The following STX3 variants were observed in gnomAD, a reference collection of about 807,000 sequenced individuals.
The protein encoded by STX3 is syntaxin 3, also known as syntaxin-3.
A neutral mutation model predicts 40.2 loss-of-function variants in STX3; 19 were observed. The ratio of observed to expected loss-of-function variants is 0.47; its 90% confidence interval spans 0.33 to 0.69. The LOEUF is 0.69. Ranked by LOEUF, STX3 falls within the 30% of genes least tolerant of loss-of-function variation. The pLI, the probability that STX3 is intolerant of heterozygous loss-of-function variation, is 0.02. For missense variants in STX3, 364 were observed against 366.7 expected (o/e 0.99, Z 0.06); for synonymous variants, 122 against 132.2 (o/e 0.92, Z 0.53).
chr11:59,788,774 G>A (rs1027419701), intron 3 of STX3, 99 bp from the exon 4 acceptor site: 10 of 934,134 alleles, frequency 1.1e-5, no homozygotes, highest in Admixed American at 2.4e-5. Flanking sequence ...GGCAGTGGAT[G>A]CCCGATAAAG....
rs1264480890 is a variant in STX3 at position 59,755,473 on chromosome 11, C to CCGCCGCCTG, written c.-128_-120dup. 1 of 1,176,942 alleles carries CCGCCGCCTG rather than the reference C, an allele frequency of 8.5e-7. No individual in the cohort carries two copies. The allele number at this position is 1,176,942 out of a possible 1,614,324, so 72.9% of individuals were successfully genotyped here. A position where few individuals can be genotyped will look rare whatever the true frequency, so the allele number is the denominator to read the frequency against. On this transcript the variant is annotated 5_prime_UTR_variant, in exon 1 of 11. Coordinates refer to ENST00000337979, the MANE Select transcript of STX3 (RefSeq NM_004177.5). Reference sequence around the variant, plus strand: ...CCTCCTAGCTAGCGGCCGCCGCCCGCCGCCGCCTGCGCCTCCAGCTCCTTC... The same window carrying CCGCCGCCTG: ...CCTCCTAGCTAGCGGCCGCCGCCCGCCGCCGCCTGCGCCGCCTGCGCCTCCAGCTCCTTC...
chr11:59,786,147 T>C (rs1425193753), intron 2 of STX3, among the ~76,000 whole-genome samples: 1 of 152,152 alleles, frequency 6.6e-6, no homozygotes, highest in East Asian at 1.9e-4. Context: ...TACAAGAACA[T>C]ATGTGTCCTA....
At chr11:59,774,103 AT>A (rs1863818790) in intron 2 of STX3, among the ~76,000 whole-genome samples, 1 of 152,096 alleles carries the variant, frequency 6.6e-6, no homozygotes, top group Admixed American at 6.6e-5. Context: ...ATGTCTACAG[AT>A]CCATGTACTC....
intron 1 of STX3, among the ~76,000 whole-genome samples, chr11:59,772,210 C>T (rs1863690860): frequency 6.6e-6 from 1 of 152,230 alleles, no homozygotes; most frequent in South Asian, 2.1e-4. Flanking sequence ...GGTTTATCCC[C>T]TGCCTCACCT....
chr11:59,789,090 C>T, intron 4 of STX3, 143 bp downstream of exon 4: 1 of 659,616 alleles, frequency 1.5e-6, no homozygotes, highest in Non-Finnish European at 2.6e-6. Flanking sequence ...GGCTCTGTCC[C>T]CGCAATGATC....
At chr11:59,765,057 C>A (rs1863216971) in intron 1 of STX3, among the ~76,000 whole-genome samples, 2 of 152,098 alleles carry the variant, frequency 1.3e-5, no homozygotes, top group South Asian at 4.1e-4. Flanking sequence ...CTAATTCTTT[C>A]CTCAAGTTGT....
At chr11:59,773,977 CA>C (rs5792160) in intron 2 of STX3, among the ~76,000 whole-genome samples, 45,503 of 81,700 alleles carry the variant, frequency 0.56, 10,698 homozygotes, top group East Asian at 0.72. Context: ...CTCACACACA[CA>C]AAAAAAAAAA....
In STX3 at chr11:59,785,379, G is replaced by A. The variant is rs531430728; in HGVS notation, c.115-1658G>A. On this transcript the variant is annotated intron_variant, in intron 2 of 10. Transcript: ENST00000337979. ...AGAGTCTCACTCCGTTGCTCAGGCG[G>A]GAAATGCAGTGGCATGATCATGGCT... is the stretch of plus-strand genomic sequence containing the variant. Among the ~76,000 whole-genome samples the A allele has an allele frequency of 1.6e-4, 25 of 152,244 alleles. 1 individual carries two copies. The South Asian group carries it at 5.0e-3, about 30-fold the overall frequency.
In STX3 at chr11:59,801,453, G is replaced by T; in HGVS notation, c.*629G>T. The T allele has an allele frequency of 1.0e-6, 1 of 986,472 alleles. No homozygotes were observed. Among genetic ancestry groups the T allele is most frequent in the Non-Finnish European group, 1.2e-6 (1 of 830,640 alleles). The allele number at this position is 986,472 out of a possible 1,614,324, so 61.1% of individuals were successfully genotyped here. On this transcript the variant is annotated 3_prime_UTR_variant, in exon 11 of 11. Transcript: ENST00000337979. Reference sequence around the variant, plus strand: ...GTTGTTCAGCTTGGGGGGCAACTTTGATTTTTCTCTGTGTTGTAGTCTCTC... The same window carrying T: ...GTTGTTCAGCTTGGGGGGCAACTTTTATTTTTCTCTGTGTTGTAGTCTCTC...
intron 4 of STX3, 27 bp downstream of exon 4, chr11:59,788,974 C>T: frequency 6.3e-7 from 1 of 1,584,432 alleles, no homozygotes; most frequent in Non-Finnish European, 8.6e-7. Flanking sequence ...GAAAACAAGG[C>T]CGTCCCCACC....
intron 2 of STX3, among the ~76,000 whole-genome samples, chr11:59,778,850 T>TGG (rs386373902): frequency 6.8e-6 from 1 of 146,876 alleles, no homozygotes; most frequent in Non-Finnish European, 1.5e-5. Context: ...TTTTTTTTTT[T>TGG]GGGGATGAAG....
At chr11:59,794,280 C>T (rs142611231) in intron 8 of STX3, among the ~76,000 whole-genome samples, 73 of 152,256 alleles carry the variant, frequency 4.8e-4, no homozygotes, top group Middle Eastern at 3.4e-3. Context: ...GCATAGGGCG[C>T]TAGTTTCGCA....
In STX3 at chr11:59,793,312, A is replaced by C. The variant is rs915708774; in HGVS notation, c.541-68A>C. The C allele has an allele frequency of 3.7e-6, 6 of 1,603,278 alleles. No homozygotes were observed. The African/African-American group carries it at 5.3e-5, about 14-fold the overall frequency. On this transcript the variant is annotated intron_variant, in intron 7 of 10. Coordinates refer to ENST00000337979, the MANE Select transcript of STX3 (RefSeq NM_004177.5). ...GGCAAGGAGCTCCCCAGGAGCGTGC[A>C]TGAGGGCTGTGGCAGGGGCAGCCTT...
chr11:59,802,844 A>G lies in STX3; in HGVS notation c.*2020A>G. 1 of 995,472 alleles carries G rather than the reference A, an allele frequency of 1.0e-6. No individual in the cohort carries two copies. Among genetic ancestry groups the G allele is most frequent in the African/African-American group, 1.7e-5 (1 of 57,778 alleles). The allele number at this position is 995,472 out of a possible 1,614,324, so 61.7% of individuals were successfully genotyped here. On this transcript the variant is annotated 3_prime_UTR_variant, in exon 11 of 11. Transcript: ENST00000337979. ...AGATGGTTCAAAAGTGCAATTTTTG[A>G]ACATGGTTTAACTCCCACAGAATGC...
chr11:59,795,547 C>G, intron 9 of STX3, 65 bp downstream of exon 9: 1 of 1,555,360 alleles, frequency 6.4e-7, no homozygotes, highest in Non-Finnish European at 8.7e-7. Context: ...CGCTCTTTCT[C>G]TTCCCTCTCC....
At position 59,797,385 on chromosome 11, in the gene STX3, C is replaced by A; in HGVS notation, c.*19C>A. ...GAATTAAGAGTGGCCTAAGAGGCTGCTGCACTGAAATGTAAGTAAACGAGT... is the reference window on the plus strand; with the variant it reads ...GAATTAAGAGTGGCCTAAGAGGCTGATGCACTGAAATGTAAGTAAACGAGT... On this transcript the variant is annotated 3_prime_UTR_variant, in exon 10 of 11. Coordinates refer to ENST00000337979, the MANE Select transcript of STX3 (RefSeq NM_004177.5). 6.2e-7 allele frequency: 1 copy of A among 1,613,626 alleles called. No homozygotes were observed. The highest frequency in any genetic ancestry group is 1.1e-5 in the South Asian group (1 of 90,990).
At chr11:59,798,587 T>C (rs917369804) in intron 10 of STX3, among the ~76,000 whole-genome samples, 1 of 151,726 alleles carries the variant, frequency 6.6e-6, no homozygotes, top group Admixed American at 6.6e-5. Flanking sequence ...TGGCGCGATC[T>C]CAGCTCACTG....
chr11:59,773,354 A>G (rs1863768372), intron 2 of STX3, 60 bp downstream of exon 2: 2 of 1,561,562 alleles, frequency 1.3e-6, no homozygotes, highest in South Asian at 2.3e-5. Flanking sequence ...TTTCCTTAGT[A>G]AGAATAAAAA....
intron 10 of STX3, among the ~76,000 whole-genome samples, chr11:59,798,821 C>T (rs922861208): frequency 6.6e-6 from 1 of 151,740 alleles, no homozygotes; most frequent in African/African-American, 2.4e-5. Flanking sequence ...GCCTGAATCA[C>T]GTTTAATAGT....
Sources: allele counts gnomAD v4.1 joint callset (sites outside exome capture counted in the v4.1 genomes callset), GRCh38; gene constraint gnomAD v4.1.1; transcripts MANE v1.5; gene names NCBI Gene and HGNC (gene_info 2026-07-23, HGNC 2026-07-21).